Variants in RBM25 observed in about 807,000 individuals in gnomAD.
RBM25 encodes RNA binding motif protein 25.
In RBM25, 19 loss-of-function variants were observed where a neutral mutation model predicts 120.7. That is an observed-to-expected ratio of 0.16 (90% CI 0.11 to 0.23). The LOEUF (loss-of-function observed/expected upper bound fraction) is 0.23. Among genes scored for constraint, RBM25 ranks in the 10% least tolerant of loss-of-function variants. The pLI is 1.00. For missense variants in RBM25, 605 were observed against 1,041.5 expected, an observed-to-expected ratio of 0.58 and a Z score of 5.77; for synonymous variants, 390 against 326.7, an observed-to-expected ratio of 1.19 and a Z score of -2.09.
intron 5 of RBM25, among the ~76,000 whole-genome samples, chr14:73,086,747 C>T (rs911269622): frequency 6.6e-6 from 1 of 152,098 alleles, no homozygotes; most frequent in Non-Finnish European, 1.5e-5. Flanking sequence ...GTCTGTTGCC[C>T]AGGCTGGAGT....
chr14:73,067,650 C>G (rs1895171918), intron 1 of RBM25, among the ~76,000 whole-genome samples: 1 of 148,426 alleles, frequency 6.7e-6, no homozygotes, highest in Non-Finnish European at 1.5e-5. Flanking sequence ...GTTGCCCAGG[C>G]TGGAGTGCAG....
At chr14:73,108,946 T>G (rs1291528160) in intron 13 of RBM25, among the ~76,000 whole-genome samples, 2 of 152,194 alleles carry the variant, frequency 1.3e-5, no homozygotes, top group African/African-American at 2.4e-5. Flanking sequence ...GTGAATAAAT[T>G]GAGGATACAG....
chr14:73,092,075 A>T (rs1295669140), intron 6 of RBM25, among the ~76,000 whole-genome samples: 2 of 152,130 alleles, frequency 1.3e-5, no homozygotes, highest in African/African-American at 2.4e-5. Flanking sequence ...TTAAGTGTCA[A>T]TATTACTCAA....
Position 73,096,908 on chromosome 14 carries a change from G to A in RBM25, c.544-7G>A, listed in dbSNP as rs113774219. On this transcript the variant is annotated splice_region_variant and splice_polypyrimidine_tract_variant and intron_variant, in intron 6 of 18. Coordinates refer to ENST00000261973, the MANE Select transcript of RBM25 (RefSeq NM_021239.3). Reference sequence around the variant, plus strand: ...TTCTTTCCCCTGAATTTGCTGTTTTGTTTAAGAATGCAAGGCCAGAAACTG... The same window carrying A: ...TTCTTTCCCCTGAATTTGCTGTTTTATTTAAGAATGCAAGGCCAGAAACTG... 1,033 of 1,607,482 alleles carry A rather than the reference G, an allele frequency of 6.4e-4. 8 individuals carry two copies. The highest frequency in any genetic ancestry group is 1.6e-3 in the African/African-American group (119 of 74,614).
At chr14:73,066,334 G>A (rs1895131870) in intron 1 of RBM25, among the ~76,000 whole-genome samples, 1 of 152,050 alleles carries the variant, frequency 6.6e-6, no homozygotes, top group African/African-American at 2.4e-5. Flanking sequence ...CATTTGCCAA[G>A]TATATTAAAT....
At chr14:73,118,683 C>A (rs910141684) in intron 18 of RBM25, among the ~76,000 whole-genome samples, 15 of 151,940 alleles carry the variant, frequency 9.9e-5, no homozygotes, top group Non-Finnish European at 2.2e-4. Context: ...AAAGGTGGAT[C>A]ACAAAAATAT....
chr14:73,077,597 A>G, intron 4 of RBM25, 61 bp downstream of exon 4: 2 of 1,407,394 alleles, frequency 1.4e-6, no homozygotes, highest in Admixed American at 5.4e-5. Flanking sequence ...TTCAAACTTA[A>G]GCAGAAAGAA....
intron 1 of RBM25, among the ~76,000 whole-genome samples, chr14:73,063,150 A>G (rs529726505): frequency 6.7e-6 from 1 of 148,206 alleles, no homozygotes; most frequent in East Asian, 2.0e-4. Flanking sequence ...ATCGTGGGCT[A>G]TAGAGTTTCT....
At chr14:73,103,519 G>C in intron 10 of RBM25, 41 bp downstream of exon 10, 7 of 1,530,710 alleles carry the variant, frequency 4.6e-6, no homozygotes, top group Non-Finnish European at 5.3e-6. Flanking sequence ...ATAGCTTTAA[G>C]AAAACTATCG....
intron 4 of RBM25, among the ~76,000 whole-genome samples, chr14:73,080,823 C>CTT (rs35197238): frequency 2.9e-5 from 4 of 139,940 alleles, no homozygotes; most frequent in African/African-American, 1.1e-4. Context: ...TTCTTTCTTT[C>CTT]TTTTTTTTTT....
intron 4 of RBM25, among the ~76,000 whole-genome samples, chr14:73,079,399 GGTGACAAT>G (rs1895504810): frequency 6.6e-6 from 1 of 150,580 alleles, no homozygotes; most frequent in South Asian, 2.1e-4. Context: ...CTCCAGCCTG[GGTGACAAT>G]GTTAGACTTT....
intron 18 of RBM25, 27 bp from the exon 19 acceptor site, chr14:73,119,686 T>C (rs1896506669): frequency 1.2e-6 from 2 of 1,608,984 alleles, no homozygotes; most frequent in African/African-American, 2.7e-5. Flanking sequence ...TTCTCTTACA[T>C]GTGTTGCTGT....
chr14:73,109,302 C>T (rs1415934220), intron 13 of RBM25, 40 bp from the exon 14 acceptor site: 5 of 1,584,718 alleles, frequency 3.2e-6, no homozygotes, highest in Middle Eastern at 1.7e-4. Flanking sequence ...TCTCAATGAT[C>T]GGAGTATTAA....
intron 1 of RBM25, among the ~76,000 whole-genome samples, chr14:73,066,225 A>G (rs1003770876): frequency 6.6e-6 from 1 of 152,198 alleles, no homozygotes; most frequent in African/African-American, 2.4e-5. Flanking sequence ...CAGAAAGTTT[A>G]TTTTAAAACT....
At chr14:73,103,064 C>T in intron 9 of RBM25, 128 bp from the exon 10 acceptor site, 2 of 1,505,238 alleles carry the variant, frequency 1.3e-6, no homozygotes, top group East Asian at 2.3e-5. Context: ...CACATAAAAC[C>T]ACAAGTATTT....
chr14:73,112,226 A>C lies in RBM25; in HGVS notation c.2367A>C (p.Thr789=), dbSNP rs768930100. The change falls in exon 17 of 19, where the codon ACA becomes ACC. Residue 789 remains threonine (T), a synonymous_variant. Transcript: ENST00000261973. ...AATATATAGGTGAAGAAGAAGCTAC[A>C]TTAGTTGATTTTGTTTGTTCTAAGG... ...IIEYIGEEEA[T]LVDFVCSKVM... is the part of the protein sequence containing the mutation. The C allele has an allele frequency of 6.2e-7, 1 of 1,605,434 alleles. No homozygotes were observed. The highest frequency in any genetic ancestry group is 1.7e-5 in the Admixed American group (1 of 57,696).
intron 4 of RBM25, among the ~76,000 whole-genome samples, chr14:73,080,997 G>T (rs1466493095): frequency 6.6e-6 from 1 of 151,522 alleles, no homozygotes; most frequent in Non-Finnish European, 1.5e-5. Flanking sequence ...GCTAATTTTT[G>T]TATTTTCAGT....
chr14:73,117,615 C>T (rs1896462602), intron 18 of RBM25, among the ~76,000 whole-genome samples: 1 of 152,180 alleles, frequency 6.6e-6, no homozygotes, highest in Non-Finnish European at 1.5e-5. Flanking sequence ...TTAATTCCCA[C>T]TTAGTACCTA....
In RBM25 at chr14:73,109,368, G is replaced by A. The variant is rs773859646; in HGVS notation, c.1568G>A (p.Arg523His). ...YRGSALQKRL[R>H]DREKEMEADE... Reference sequence around the variant, plus strand: ...GGAAGTGCTCTTCAGAAAAGGTTGCGTGATAGAGAAAAGGAAATGGAAGCA... The same window carrying A: ...GGAAGTGCTCTTCAGAAAAGGTTGCATGATAGAGAAAAGGAAATGGAAGCA... Residue 523 changes from arginine (R) to histidine (H), a missense_variant, in exon 14 of 19, where the codon CGT becomes CAT. Arg to His is a conservative substitution (Grantham distance 29). Around this residue, in one of 4 missense-constraint regions of RBM25, gnomAD observed 465 missense variants for 741.6 expected, o/e 0.63. Coordinates refer to ENST00000261973, the MANE Select transcript of RBM25 (RefSeq NM_021239.3). 9.9e-6 allele frequency: 16 copies of A among 1,613,846 alleles called. No individual in the cohort carries two copies. Among genetic ancestry groups the A allele is most frequent in the South Asian group, 9.9e-5 (9 of 91,068 alleles).
Sources: gnomAD v4.1 joint callset for allele counts (sites outside exome capture counted in the v4.1 genomes callset) on GRCh38, gnomAD v4.1.1 for gene constraint, gnomAD v4.1.1 regional missense constraint, MANE v1.5 for transcripts, NCBI Gene and HGNC (gene_info 2026-07-23, HGNC 2026-07-21) for gene names.